The following MICU3 variants were observed in gnomAD, a reference collection of about 807,000 sequenced individuals.
The protein encoded by MICU3 is calcium uptake protein 3, mitochondrial.
Under a neutral mutation model 66.5 loss-of-function variants are expected in MICU3, and 62 were observed. The ratio of observed to expected loss-of-function variants is 0.93; its 90% CI spans 0.76 to 1.15. The LOEUF (loss-of-function observed/expected upper bound fraction) is 1.15, where lower values mean the gene tolerates loss of function less well. Ranked by LOEUF, MICU3 falls within the 50% of genes most tolerant of loss-of-function variation. The pLI, the probability that MICU3 is intolerant of heterozygous loss-of-function variation, is 0.00. For missense variants in MICU3, 779 were observed against 664.4 expected (o/e 1.17, Z -1.90); for synonymous variants, 308 against 240.7 (o/e 1.28, Z -2.59).
At chr8:17,127,203 T>C (rs1803426987), downstream of MICU3, among the ~76,000 whole-genome samples, 1 of 152,200 alleles carries the variant, frequency 6.6e-6, no homozygotes, top group South Asian at 2.1e-4. Flanking sequence ...AAAAGCACCC[T>C]GAAAATCTAT....
intron 8 of MICU3, among the ~76,000 whole-genome samples, chr8:17,094,012 C>G (rs1327461735): frequency 1.3e-5 from 2 of 151,978 alleles, no homozygotes; most frequent in South Asian, 4.1e-4. Flanking sequence ...CTCATAATCC[C>G]TCAATGTCCT....
chr8:17,042,173 C>G (rs1224262322), intron 1 of MICU3, among the ~76,000 whole-genome samples: 3 of 152,100 alleles, frequency 2.0e-5, no homozygotes, highest in South Asian at 4.1e-4. Context: ...GTAATCTGAT[C>G]TAATTAGTAC....
rs779875407 is a variant in MICU3, at chr8:17,064,228, G to A, written c.526G>A (p.Glu176Lys). The part of the protein sequence containing the change: ...YDFILAVTTD[E>K]PKVAKTWKSL... ...TTTTATTTTGGCTGTTACAACAGATGAGCCCAAAGGTAAGTACACTTTTGA... is the reference window on the plus strand; with the variant it reads ...TTTTATTTTGGCTGTTACAACAGATAAGCCCAAAGGTAAGTACACTTTTGA... The change falls in exon 2 of 15, where the codon GAG (glutamate) becomes AAG (lysine). Residue 176 changes from glutamate to lysine, a missense_variant. Glu to Lys is a moderately conservative substitution (Grantham distance 56). Transcript: ENST00000318063. The A allele has an allele frequency of 6.2e-7, 1 of 1,608,942 alleles. No individual in the cohort carries two copies. Among genetic ancestry groups the A allele is most frequent in the Admixed American group, 1.7e-5 (1 of 59,370 alleles).
At chr8:17,081,806 G>T in intron 5 of MICU3, 66 bp downstream of exon 5, 1 of 724,766 alleles carries the variant, frequency 1.4e-6, no homozygotes, top group Non-Finnish European at 2.4e-6. Context: ...TTGGAAAGCA[G>T]ATCTTAGGTT....
intron 1 of MICU3, among the ~76,000 whole-genome samples, 184 bp downstream of exon 1, chr8:17,027,844 A>G (rs1639234343): frequency 6.6e-6 from 1 of 152,186 alleles, no homozygotes; most frequent in Non-Finnish European, 1.5e-5. Context: ...TGGGAAGACC[A>G]GTGATGCTGT....
At position 17,037,647 on chromosome 8, in the gene MICU3, G is replaced by A. The variant is rs149418888; in HGVS notation, c.381+9987G>A. Among the ~76,000 whole-genome samples the A allele has an allele frequency of 3.2e-3, 494 of 152,320 alleles. 6 individuals are homozygous for A. The highest frequency in any genetic ancestry group is 0.011 in the African/African-American group (476 of 41,560). On this transcript the variant is annotated intron_variant, in intron 1 of 14. Transcript: ENST00000318063. ...CAGAGTTCCCACTGGGCACTGCCTA[G>A]TGGAACTGTGACAAGAGGGCCACCA...
intron 8 of MICU3, among the ~76,000 whole-genome samples, chr8:17,091,996 G>C (rs1800114672): frequency 6.6e-6 from 1 of 151,992 alleles, no homozygotes; most frequent in Admixed American, 6.6e-5. Context: ...TTCTGCCTCA[G>C]CCTCCCAAGT....
intron 13 of MICU3, among the ~76,000 whole-genome samples, chr8:17,117,914 TA>T (rs1802838269): frequency 6.6e-6 from 1 of 152,206 alleles, no homozygotes; most frequent in African/African-American, 2.4e-5. Flanking sequence ...CGGCCAGTAT[TA>T]TACATTTTAA....
chr8:17,110,063 A>G lies in MICU3; in HGVS notation c.1258-4030A>G, dbSNP rs1457747258. 2.6e-5 allele frequency among the ~76,000 whole-genome samples: 4 copies of G among 152,200 alleles called. No individual in the cohort carries two copies. The East Asian group carries it at 5.8e-4, about 22-fold the overall frequency. ...GTTACCAATAAACTTTGAACAGTAT[A>G]TATTGTGGCATAATTTATGGGATCA... On this transcript the variant is annotated intron_variant, in intron 11 of 14. Transcript: ENST00000318063.
intron 1 of MICU3, among the ~76,000 whole-genome samples, chr8:17,033,973 G>A (rs899267364): frequency 6.6e-6 from 1 of 152,182 alleles, no homozygotes; most frequent in African/African-American, 2.4e-5. Context: ...AGATGAAACA[G>A]CCTGTTAGTG....
rs1459908673 is a variant in MICU3 at position 17,027,603 on chromosome 8, G to A, written c.324G>A (p.Glu108=). 57 of 1,305,604 alleles carry A rather than the reference G, an allele frequency of 4.4e-5. No homozygotes were observed. The highest frequency in any genetic ancestry group is 5.5e-5 in the Non-Finnish European group (57 of 1,031,306). 80.9% of individuals were successfully genotyped at this position (1,305,604 alleles called of 1,614,324 possible). The change falls in exon 1 of 15, where the codon GAG becomes GAA. Residue 108 remains glutamate (E), a synonymous_variant. Coordinates refer to ENST00000318063, the MANE Select transcript of MICU3 (RefSeq NM_181723.3). ...CAAAGAGCGCGGCCACGGAGCCCGAGGACCCGCCCCGCGGCCGGGGGATGC... is the reference window on the plus strand; with the variant it reads ...CAAAGAGCGCGGCCACGGAGCCCGAAGACCCGCCCCGCGGCCGGGGGATGC... ...RPSKSAATEP[E]DPPRGRGMLP...
chr8:17,098,617 C>T, intron 9 of MICU3, 64 bp downstream of exon 9: 1 of 1,092,156 alleles, frequency 9.2e-7, no homozygotes, highest in Non-Finnish European at 1.4e-6. Context: ...GTCGTCATTT[C>T]ATTTTAGTCA....
intron 1 of MICU3, among the ~76,000 whole-genome samples, chr8:17,037,137 A>G (rs1479567779): frequency 6.6e-6 from 1 of 152,116 alleles, no homozygotes; most frequent in East Asian, 1.9e-4. Flanking sequence ...GCCCACGCCC[A>G]CCTGGAACTC....
chr8:17,097,774 T>C (rs867211383), intron 8 of MICU3, among the ~76,000 whole-genome samples: 25 of 151,604 alleles, frequency 1.6e-4, no homozygotes, highest in Admixed American at 4.6e-4. Context: ...GACATCTTCC[T>C]AGAGTGATTA....
chr8:17,129,240 A>G, the MICU3 span, among the ~76,000 whole-genome samples: 42 of 152,310 alleles, frequency 2.8e-4, 2 homozygotes, highest in East Asian at 8.1e-3. Flanking sequence ...AGTATCCATA[A>G]CATCCACTAT....
intron 1 of MICU3, among the ~76,000 whole-genome samples, chr8:17,041,896 G>C (rs10102927): frequency 6.6e-6 from 1 of 151,996 alleles, no homozygotes; most frequent in Admixed American, 6.6e-5. Context: ...TCATCTTCTC[G>C]GAGCAAGATA....
At chr8:17,106,085 C>A (rs1191373833) in intron 11 of MICU3, among the ~76,000 whole-genome samples, 2 of 151,986 alleles carry the variant, frequency 1.3e-5, no homozygotes, top group African/African-American at 4.8e-5. Flanking sequence ...AACTGATTGC[C>A]TATTTGTTTA....
At chr8:17,064,837 A>G (rs1479426900) in intron 2 of MICU3, among the ~76,000 whole-genome samples, 2 of 152,208 alleles carry the variant, frequency 1.3e-5, no homozygotes, top group African/African-American at 4.8e-5. Flanking sequence ...GACAGTAAAA[A>G]AAGGAGTATT....
intron 1 of MICU3, 92 bp from the exon 2 acceptor site, chr8:17,063,990 ACT>A (rs1818279701): frequency 9.6e-6 from 8 of 835,856 alleles, no homozygotes; most frequent in East Asian, 5.4e-5. Context: ...TTCCTCATTT[ACT>A]CTGTTTATTC....
Sources: allele counts gnomAD v4.1 joint callset (sites outside exome capture counted in the v4.1 genomes callset), GRCh38; gene constraint gnomAD v4.1.1; transcripts MANE v1.5; gene names NCBI Gene and HGNC (gene_info 2026-07-23, HGNC 2026-07-21).